CREBBP: variants seen among roughly 807,000 people sequenced by gnomAD.
CREBBP encodes the protein CREB binding lysine acetyltransferase, also known as CREB-binding protein.
In CREBBP, 19 loss-of-function variants were observed where a neutral mutation model predicts 265.0. The observed-to-expected ratio is 0.07, with a 90% confidence interval of 0.05 to 0.11. The LOEUF is 0.11. Among genes scored for constraint, CREBBP ranks in the 10% least tolerant of loss-of-function variants. The probability of loss-of-function intolerance (pLI) is 1.00; values close to 1 mark genes in which losing one functional copy is unlikely to be tolerated. For synonymous variants in CREBBP, 1,457 were observed against 1,223.7 expected (o/e 1.19, Z -3.98); for missense variants, 2,525 against 3,219.0 (o/e 0.78, Z 5.22).
intron 21 of CREBBP, among the ~76,000 whole-genome samples, chr16:3,746,243 T>C (rs1335711443): frequency 2.0e-5 from 3 of 152,036 alleles, no homozygotes; most frequent in Non-Finnish European, 2.9e-5. Flanking sequence ...GTCCCCTTAA[T>C]CTGTCCATTG....
At chr16:3,861,822 C>T in intron 1 of CREBBP, among the ~76,000 whole-genome samples, 1 of 151,128 alleles carries the variant, frequency 6.6e-6, no homozygotes, top group East Asian at 1.9e-4. Flanking sequence ...CTAAAATCTT[C>T]CGTAATTCAG....
At position 3,742,501 on chromosome 16, in the gene CREBBP, A is replaced by G. The variant is rs372240809; in HGVS notation, c.3983-1952T>C. ...CAACTTGTATCTTCATCCATGGCGC[A>G]TGACAGGGGCCTTTTGTGCCTTTTC... On this transcript the variant is annotated intron_variant, in intron 23 of 30. Coordinates refer to ENST00000262367, the MANE Select transcript of CREBBP (RefSeq NM_004380.3). 4.6e-5 allele frequency: 7 copies of G among 152,274 alleles called. No homozygotes were observed. In the East Asian group the frequency reaches 7.7e-4, roughly 17 times the overall value. The allele number at this position is 152,274 out of a possible 1,614,324, so 9.4% of individuals were successfully genotyped here.
chr16:3,861,386 C>A (rs1298879791), intron 1 of CREBBP, among the ~76,000 whole-genome samples: 1 of 152,176 alleles, frequency 6.6e-6, no homozygotes, highest in Non-Finnish European at 1.5e-5. Context: ...AGTAAGGACT[C>A]AAAAAATATT....
intron 2 of CREBBP, among the ~76,000 whole-genome samples, chr16:3,835,968 A>G (rs992288563): frequency 6.6e-6 from 1 of 152,118 alleles, no homozygotes; most frequent in Non-Finnish European, 1.5e-5. Flanking sequence ...TCTAGTCACA[A>G]AACAGAATAC....
chr16:3,758,536 A>G (rs1336039418), intron 17 of CREBBP, among the ~76,000 whole-genome samples: 1 of 152,214 alleles, frequency 6.6e-6, no homozygotes, highest in Non-Finnish European at 1.5e-5. Context: ...AGAAGCCCAA[A>G]TATTTTTTTA....
rs776759011 is a variant in CREBBP, at chr16:3,729,455, G to A, written c.5592C>T (p.Leu1864=). Residue 1864 remains leucine, a synonymous_variant, in exon 31 of 31, where the codon CTC becomes CTT. Transcript: ENST00000262367. The part of the protein sequence containing the change: ...QIQHRLQQAQ[L]MRRRMATMNT... Reference sequence around the variant, plus strand: ...TCATGGTGGCCATCCGCCGGCGCATGAGCTGGGCCTGCTGCAGGCGGTGCT... The same window carrying A: ...TCATGGTGGCCATCCGCCGGCGCATAAGCTGGGCCTGCTGCAGGCGGTGCT... 15 of 1,614,102 alleles carry A rather than the reference G, an allele frequency of 9.3e-6. No individual in the cohort carries two copies. Among genetic ancestry groups the A allele is most frequent in the Non-Finnish European group, 1.3e-5 (15 of 1,180,004 alleles).
At chr16:3,809,342 T>C (rs896578578) in intron 3 of CREBBP, among the ~76,000 whole-genome samples, 2 of 151,930 alleles carry the variant, frequency 1.3e-5, no homozygotes, top group African/African-American at 4.8e-5. Flanking sequence ...CATGCCCGGC[T>C]AATTTTTGTA....
At chr16:3,817,999 T>C (rs921547928) in intron 2 of CREBBP, among the ~76,000 whole-genome samples, 7 of 152,318 alleles carry the variant, frequency 4.6e-5, no homozygotes, top group South Asian at 2.1e-4. Flanking sequence ...GAGCCATGTA[T>C]GGGAGCCTTT....
chr16:3,820,380 G>A (rs2054118703), intron 2 of CREBBP, among the ~76,000 whole-genome samples: 1 of 152,192 alleles, frequency 6.6e-6, no homozygotes, highest in Admixed American at 6.5e-5. Flanking sequence ...GGGTGCACCT[G>A]GGGCAGGAGA....
chr16:3,841,247 A>T (rs1025832178), intron 2 of CREBBP, among the ~76,000 whole-genome samples: 1 of 152,106 alleles, frequency 6.6e-6, no homozygotes, highest in African/African-American at 2.4e-5. Flanking sequence ...ATTTGACTCG[A>T]AGCCAAGAGG....
intron 28 of CREBBP, among the ~76,000 whole-genome samples, chr16:3,733,795 C>T (rs2051980314): frequency 6.6e-6 from 1 of 152,126 alleles, no homozygotes; most frequent in African/African-American, 2.4e-5. Context: ...GCGTGCGCCA[C>T]CACACCTGGC....
chr16:3,804,045 C>T (rs1417404363), intron 3 of CREBBP, among the ~76,000 whole-genome samples: 2 of 151,690 alleles, frequency 1.3e-5, no homozygotes, highest in Non-Finnish European at 2.9e-5. Context: ...GACTACACCA[C>T]TGCACTCCAA....
intron 26 of CREBBP, 77 bp downstream of exon 26, chr16:3,738,482 C>T (rs1366732280): frequency 2.3e-6 from 2 of 866,598 alleles, no homozygotes; most frequent in Non-Finnish European, 1.9e-6. Context: ...CTTAAAATAC[C>T]CATTATTTCA....
chr16:3,828,236 G>C (rs993377807), intron 2 of CREBBP, among the ~76,000 whole-genome samples: 1 of 152,152 alleles, frequency 6.6e-6, no homozygotes, highest in Non-Finnish European at 1.5e-5. Flanking sequence ...GAGATTACAG[G>C]CATGTGCCAC....
chr16:3,767,677 G>A (rs767549009), intron 16 of CREBBP, 43 bp downstream of exon 16: 6 of 1,613,238 alleles, frequency 3.7e-6, no homozygotes, highest in Non-Finnish European at 5.1e-6. Context: ...TAACACCGTG[G>A]AAAAGCAGCA....
chr16:3,741,194 G>A lies in CREBBP; in HGVS notation c.3983-645C>T, dbSNP rs555726869. On this transcript the variant is annotated intron_variant, in intron 23 of 30. Coordinates refer to ENST00000262367, the MANE Select transcript of CREBBP (RefSeq NM_004380.3). ...CAGGGCCAGCCCCGGGAGGGCTACC[G>A]TCACAGGAGCTAGCCAGAGGCAGGA... The A allele has an allele frequency of 6.6e-5, 11 of 166,944 alleles. No individual in the cohort carries two copies. The East Asian group carries it at 1.3e-3, about 20-fold the overall frequency. The allele number at this position is 166,944 out of a possible 1,614,324, so 10.3% of individuals were successfully genotyped here.
rs2051719265 is a variant in CREBBP, at chr16:3,725,520, G to C, written c.*2198C>G. On this transcript the variant is annotated 3_prime_UTR_variant, in exon 31 of 31. Transcript: ENST00000262367. ...GGTGGAAAAGATGAAGAGGACACTGGAGGTTAAGAACCCAGCAGGCCGAGC... is the reference window on the plus strand; with the variant it reads ...GGTGGAAAAGATGAAGAGGACACTGCAGGTTAAGAACCCAGCAGGCCGAGC... The C allele has an allele frequency of 4.3e-6, 1 of 233,258 alleles. No homozygotes were observed. Among genetic ancestry groups the C allele is most frequent in the Non-Finnish European group, 8.5e-6 (1 of 118,076 alleles). 14.4% of individuals were successfully genotyped at this position (233,258 alleles called of 1,614,324 possible).
At chr16:3,738,345 G>A (rs528229192) in intron 26 of CREBBP, among the ~76,000 whole-genome samples, 114 of 151,234 alleles carry the variant, frequency 7.5e-4, no homozygotes, top group African/African-American at 2.6e-3. Context: ...TGAAAAGGAA[G>A]TAAAGGTAGG....
chr16:3,825,402 C>G (rs942539361), intron 2 of CREBBP, among the ~76,000 whole-genome samples: 6 of 152,058 alleles, frequency 3.9e-5, no homozygotes, highest in South Asian at 2.1e-4. Flanking sequence ...CATTCTTATC[C>G]AAAAATATGT....
Sources: allele counts gnomAD v4.1 joint callset (sites outside exome capture counted in the v4.1 genomes callset), GRCh38; gene constraint gnomAD v4.1.1; transcripts MANE v1.5; gene names NCBI Gene and HGNC (gene_info 2026-07-23, HGNC 2026-07-21).